LMBR1: variants seen among roughly 807,000 people sequenced by gnomAD.
LMBR1 encodes limb development membrane protein 1.
Under a neutral mutation model 73.9 loss-of-function variants are expected in LMBR1, and 52 were observed. The observed-to-expected ratio is 0.70, with a 90% CI of 0.56 to 0.89. The LOEUF (loss-of-function observed/expected upper bound fraction) is 0.89, where lower values mean the gene tolerates loss of function less well. Ranked by LOEUF, LMBR1 falls within the 40% of genes least tolerant of loss-of-function variation. The pLI is 0.00. For synonymous variants in LMBR1, 215 were observed against 209.4 expected (o/e 1.03, Z -0.23); for missense variants, 539 against 579.8 (o/e 0.93, Z 0.72).
At chr7:156,718,846 A>G (rs911139202) in intron 15 of LMBR1, among the ~76,000 whole-genome samples, 4 of 152,060 alleles carry the variant, frequency 2.6e-5, no homozygotes, top group Non-Finnish European at 5.9e-5. Context: ...TTTTAACTGT[A>G]ACGTTTTTCA....
At position 156,851,106 on chromosome 7, in the gene LMBR1, T is replaced by C. The variant is rs377554823; in HGVS notation, c.67-14221A>G. ...TCAACAGAAGCAGATGCCGGCAATA[T>C]GCTTCTCAAAGAGCCTGCAGAACTG... On this transcript the variant is annotated intron_variant, in intron 1 of 16. Transcript: ENST00000353442. 3.0e-4 allele frequency among the ~76,000 whole-genome samples: 45 copies of C among 152,312 alleles called. No individual in the cohort carries two copies. The East Asian group carries it at 7.9e-3, about 27-fold the overall frequency.
intron 9 of LMBR1, among the ~76,000 whole-genome samples, chr7:156,753,440 C>T (rs778441156): frequency 6.6e-6 from 1 of 152,020 alleles, no homozygotes; most frequent in Non-Finnish European, 1.5e-5. Context: ...TGGGTAGAAG[C>T]GAGCCATCAC....
chr7:156,677,047 T>C (rs1345446089), downstream of LMBR1: 1 of 165,750 alleles, frequency 6.0e-6, no homozygotes, highest in Non-Finnish European at 1.3e-5. Context: ...TTGCCATTCC[T>C]AATACTCGTT....
rs573676108 is a variant in LMBR1 at position 156,789,600 on chromosome 7, G to A, written c.423+6789C>T. 7.2e-5 allele frequency among the ~76,000 whole-genome samples: 11 copies of A among 152,106 alleles called. No individual in the cohort carries two copies. Among genetic ancestry groups the A allele is most frequent in the Non-Finnish European group, 1.3e-4 (9 of 68,024 alleles). Reference sequence around the variant, plus strand: ...TTCATAGATCAAAGATCAACATTGTGACCCACTGAATAAATGATTTTATAC... The same window carrying A: ...TTCATAGATCAAAGATCAACATTGTAACCCACTGAATAAATGATTTTATAC... On this transcript the variant is annotated intron_variant, in intron 5 of 16. Coordinates refer to ENST00000353442, the MANE Select transcript of LMBR1 (RefSeq NM_022458.4).
chr7:156,753,692 T>G (rs1206507203), intron 9 of LMBR1, among the ~76,000 whole-genome samples: 2 of 152,034 alleles, frequency 1.3e-5, no homozygotes, highest in Admixed American at 6.5e-5. Flanking sequence ...ATGGACACAA[T>G]GTACCCATTA....
chr7:156,675,987 T>TG, downstream of LMBR1: 1 of 981,880 alleles, frequency 1.0e-6, no homozygotes, highest in South Asian at 1.7e-5. Flanking sequence ...AGGCCCGGGG[T>TG]GCAGCCGTGG....
intron 5 of LMBR1, among the ~76,000 whole-genome samples, chr7:156,764,888 G>A (rs1337584424): frequency 6.6e-6 from 1 of 152,152 alleles, no homozygotes; most frequent in African/African-American, 2.4e-5. Flanking sequence ...GAGGTGAAGT[G>A]ACTTTTTCTT....
chr7:156,753,710 C>T (rs1821318215), intron 9 of LMBR1, among the ~76,000 whole-genome samples: 1 of 152,076 alleles, frequency 6.6e-6, no homozygotes, highest in Non-Finnish European at 1.5e-5. Flanking sequence ...TTAGTCCTGA[C>T]AGTCCCAAAG....
intron 15 of LMBR1, among the ~76,000 whole-genome samples, chr7:156,698,175 G>A (rs2132016868): frequency 6.6e-6 from 1 of 152,324 alleles, no homozygotes; most frequent in Middle Eastern, 3.4e-3. Flanking sequence ...CCAGGTCATG[G>A]TGATGCAAGA....
intron 4 of LMBR1, among the ~76,000 whole-genome samples, chr7:156,800,482 C>CAAAAAAAAAAAAAAAAAAAA (rs1245017996): frequency 2.6e-4 from 21 of 81,020 alleles, no homozygotes; most frequent in Non-Finnish European, 4.0e-4. Context: ...ACTTGCTACT[C>CAAAAAAAAAAAAAAAAAAAA]AAAAAAAAAA....
At chr7:156,803,389 A>C (rs1405741175) in intron 4 of LMBR1, among the ~76,000 whole-genome samples, 2 of 152,140 alleles carry the variant, frequency 1.3e-5, no homozygotes, top group Non-Finnish European at 2.9e-5. Context: ...CAGCCAAAAA[A>C]CACATGAAAA....
At chr7:156,743,393 C>T (rs775511954) in intron 9 of LMBR1, among the ~76,000 whole-genome samples, 3 of 152,010 alleles carry the variant, frequency 2.0e-5, no homozygotes, top group Non-Finnish European at 2.9e-5. Flanking sequence ...TGTTTTCATC[C>T]GTAAAAGGGG....
At chr7:156,785,669 C>T (rs1827944840) in intron 5 of LMBR1, among the ~76,000 whole-genome samples, 1 of 152,130 alleles carries the variant, frequency 6.6e-6, no homozygotes, top group Non-Finnish European at 1.5e-5. Context: ...GACTTGGGCT[C>T]CATACCTGTA....
At chr7:156,788,252 T>C (rs1012045255) in intron 5 of LMBR1, among the ~76,000 whole-genome samples, 2 of 152,074 alleles carry the variant, frequency 1.3e-5, no homozygotes, top group Admixed American at 6.6e-5. Flanking sequence ...CTGAGCAACA[T>C]AGCAAAACCC....
At chr7:156,800,884 A>G (rs1830845988) in intron 4 of LMBR1, among the ~76,000 whole-genome samples, 1 of 152,180 alleles carries the variant, frequency 6.6e-6, no homozygotes, top group Admixed American at 6.5e-5. Flanking sequence ...TAGCAAGAGG[A>G]CTGGAATTAG....
rs773262138 is a variant in LMBR1, at chr7:156,763,721, C to T, written c.498G>A (p.Trp166Ter). 2 of 1,605,274 alleles carry T rather than the reference C, an allele frequency of 1.2e-6. No individual in the cohort carries two copies. Among genetic ancestry groups the T allele is most frequent in the Admixed American group, 3.5e-5 (2 of 57,062 alleles). ...LLALLILGIV[W>*]VASALIDNDA... is the part of the protein sequence containing the mutation. ...CGTTGTCAATGAGTGCTGAAGCTAC[C>T]CACACTATCCCAAGAATGAGTAACG... Residue 166 changes from tryptophan (W) to a stop codon, truncating the protein, a stop_gained, in exon 6 of 17, where the codon TGG becomes TGA. Transcript: ENST00000353442. LOFTEE classifies it high-confidence loss of function.
At chr7:156,828,448 T>C (rs144571788) in intron 3 of LMBR1, among the ~76,000 whole-genome samples, 129 of 152,316 alleles carry the variant, frequency 8.5e-4, no homozygotes, top group African/African-American at 3.0e-3. Flanking sequence ...TCTTTTCTAA[T>C]TGTGGTAGTA....
intron 5 of LMBR1, among the ~76,000 whole-genome samples, chr7:156,794,821 G>A (rs1273007003): frequency 7.9e-5 from 12 of 152,104 alleles, no homozygotes; most frequent in Admixed American, 7.9e-4. Flanking sequence ...TCGGTGCCGT[G>A]TCTACAGATC....
chr7:156,680,401 A>AGTGTGT lies in LMBR1; in HGVS notation c.*3676_*3677insACACAC, dbSNP rs1164308979. On this transcript the variant is annotated 3_prime_UTR_variant, in exon 17 of 17. Coordinates refer to ENST00000353442, the MANE Select transcript of LMBR1 (RefSeq NM_022458.4). ...CAGAGAGAGAGAGAGAGAGAGAGAG[A>AGTGTGT]GAGTGTGTGTGTGTGTGTGTGTGTA... 18 of 134,416 alleles carry AGTGTGT rather than the reference A, an allele frequency of 1.3e-4. No individual in the cohort carries two copies. Among genetic ancestry groups the AGTGTGT allele is most frequent in the African/African-American group, 5.4e-4 (18 of 33,362 alleles). 8.3% of individuals were successfully genotyped at this position (134,416 alleles called of 1,614,324 possible). A position where few individuals can be genotyped will look rare whatever the true frequency, so the allele number is the denominator to read the frequency against.
Sources: allele counts gnomAD v4.1 joint callset (sites outside exome capture counted in the v4.1 genomes callset), GRCh38; gene constraint gnomAD v4.1.1; transcripts MANE v1.5; gene names NCBI Gene and HGNC (gene_info 2026-07-23, HGNC 2026-07-21).